EXOSC9: variants seen among roughly 807,000 people sequenced by gnomAD.
The protein encoded by EXOSC9 is exosome complex component RRP45.
EXOSC9 carries 38 observed loss-of-function variants against 56.5 expected under a neutral mutation model. The observed-to-expected ratio is 0.67, with a 90% CI of 0.52 to 0.88. EXOSC9 has a LOEUF of 0.88. EXOSC9 is among the 40% of genes least tolerant of loss of function. The pLI, the probability that EXOSC9 is intolerant of heterozygous loss-of-function variation, is 0.00. For synonymous variants in EXOSC9, 170 were observed against 170.8 expected (o/e 0.99, Z 0.04); for missense variants, 559 against 530.5 (o/e 1.05, Z -0.53).
chr4:121,801,842 C>T lies in EXOSC9; in HGVS notation c.82C>T (p.Gln28Ter), dbSNP rs776837359. 1 of 1,613,320 alleles carries T rather than the reference C, an allele frequency of 6.2e-7. No homozygotes were observed. The highest frequency in any genetic ancestry group is 1.1e-5 in the South Asian group (1 of 91,062). The change falls in exon 2 of 12, where the codon CAA (glutamine) becomes TAA (stop). Residue 28 changes from glutamine to a stop codon, truncating the protein, a stop_gained. Coordinates refer to ENST00000243498, the MANE Select transcript of EXOSC9 (RefSeq NM_005033.3). LOFTEE classifies it high-confidence loss of function. ...GTGCTTACAGCGGCTGGATGGCAGA[C>T]AAACCTATGATTATAGGAACATCAG... ...IEEKKRLDGRQTYDYRNIRIS... is the reference protein window; with the variant it reads ...IEEKKRLDGR
chr4:121,813,351 C>A lies in EXOSC9; in HGVS notation c.945C>A (p.Ile315=). 6.2e-7 allele frequency: 1 copy of A among 1,613,446 alleles called. No individual in the cohort carries two copies. The highest frequency in any genetic ancestry group is 8.5e-7 in the Non-Finnish European group (1 of 1,179,734). ...ATGTAGAAGAAAAAGCAGAAGAAATCATTGCTGAAGCAGAACCTCCTTCAG... is the reference window on the plus strand; with the variant it reads ...ATGTAGAAGAAAAAGCAGAAGAAATAATTGCTGAAGCAGAACCTCCTTCAG... The part of the protein sequence containing the change: ...TSDVEEKAEE[I]IAEAEPPSEV... Residue 315 remains isoleucine (I), a synonymous_variant, in exon 9 of 12, where the codon ATC becomes ATA. Coordinates refer to ENST00000243498, the MANE Select transcript of EXOSC9 (RefSeq NM_005033.3).
At chr4:121,801,984 C>T in intron 2 of EXOSC9, 63 bp downstream of exon 2, 2 of 1,153,566 alleles carry the variant, frequency 1.7e-6, no homozygotes, top group Non-Finnish European at 2.6e-6. Context: ...ACCTTATTGA[C>T]TTGGTTGTTT....
intron 5 of EXOSC9, among the ~76,000 whole-genome samples, chr4:121,805,226 A>G (rs1726984332): frequency 6.6e-6 from 1 of 152,230 alleles, no homozygotes; most frequent in Non-Finnish European, 1.5e-5. Context: ...AGGGCTTGTT[A>G]AAACGTATAG....
At position 121,816,452 on chromosome 4, in the gene EXOSC9, C is replaced by G. The variant is rs1327782621; in HGVS notation, c.1235+5C>G. Reference sequence around the variant, plus strand: ...CAAGAATCCAAAGAAAATAAGGTAACAAATTTCTGGTTTATTTCAAATGTA... The same window carrying G: ...CAAGAATCCAAAGAAAATAAGGTAAGAAATTTCTGGTTTATTTCAAATGTA... On this transcript the variant is annotated splice_donor_5th_base_variant and intron_variant, in intron 11 of 11. Coordinates refer to ENST00000243498, the MANE Select transcript of EXOSC9 (RefSeq NM_005033.3). 6.5e-7 allele frequency: 1 copy of G among 1,539,364 alleles called. No homozygotes were observed. The highest frequency in any genetic ancestry group is 1.4e-5 in the African/African-American group (1 of 70,774).
intron 5 of EXOSC9, among the ~76,000 whole-genome samples, chr4:121,806,959 T>C (rs1311095544): frequency 6.6e-6 from 1 of 152,182 alleles, no homozygotes; most frequent in Non-Finnish European, 1.5e-5. Context: ...AATGTATCCA[T>C]AACTATACAT....
intron 5 of EXOSC9, among the ~76,000 whole-genome samples, chr4:121,805,866 C>T (rs377756215): frequency 2.2e-4 from 32 of 147,826 alleles, no homozygotes; most frequent in African/African-American, 6.6e-4. Context: ...GGTGCAGTGG[C>T]GTGATCTCGG....
Position 121,804,616 on chromosome 4 carries a change from T to C in EXOSC9, c.385-6T>C, listed in dbSNP as rs368109235. On this transcript the variant is annotated splice_region_variant and splice_polypyrimidine_tract_variant and intron_variant, in intron 4 of 11. Coordinates refer to ENST00000243498, the MANE Select transcript of EXOSC9 (RefSeq NM_005033.3). ...GGATTTATTTTTATTTTAAATTCAC[T>C]ATCAGGTTTGGCAAATACGTGTAGA... The C allele has an allele frequency of 1.0e-4, 156 of 1,541,582 alleles. No individual in the cohort carries two copies. Among genetic ancestry groups the C allele is most frequent in the Non-Finnish European group, 1.3e-4 (147 of 1,122,920 alleles).
In EXOSC9 at chr4:121,814,365, T is replaced by G. The variant is rs370138363; in HGVS notation, c.1156+318T>G. 8 of 164,846 alleles carry G rather than the reference T, an allele frequency of 4.9e-5. No individual in the cohort carries two copies. The East Asian group carries it at 9.9e-4, about 20-fold the overall frequency. 10.2% of individuals were successfully genotyped at this position (164,846 alleles called of 1,614,324 possible). A position where few individuals can be genotyped will look rare whatever the true frequency, so the allele number is the denominator to read the frequency against. On this transcript the variant is annotated intron_variant, in intron 10 of 11. Coordinates refer to ENST00000243498, the MANE Select transcript of EXOSC9 (RefSeq NM_005033.3). The stretch of plus-strand genomic sequence containing the variant: ...GCTACTTTCTAAAAGAATATGCATA[T>G]CTTTGTAGAGTAGTGGAACACTGGC...
intron 6 of EXOSC9, 34 bp from the exon 7 acceptor site, chr4:121,809,933 A>G (rs1265807584): frequency 6.2e-7 from 1 of 1,612,440 alleles, no homozygotes; most frequent in African/African-American, 1.3e-5. Context: ...ATTCGGTCTC[A>G]GATTTGTTCA....
At position 121,813,244 on chromosome 4, in the gene EXOSC9, G is replaced by A; in HGVS notation, c.838G>A (p.Gly280Arg). 6.2e-7 allele frequency: 1 copy of A among 1,607,768 alleles called. No individual in the cohort carries two copies. The highest frequency in any genetic ancestry group is 8.5e-7 in the Non-Finnish European group (1 of 1,176,418). Residue 280 changes from glycine to arginine, a missense_variant, in exon 9 of 12, where the codon GGA becomes AGA. Transcript: ENST00000243498. ...ENDQKVRKEG[G>R]KFGFAESIAN... ...AACCCCCACATACAGGAAAGAAGGT[G>A]GAAAGTTTGGTTTTGCAGAGTCTAT... is the stretch of plus-strand genomic sequence containing the variant.
chr4:121,814,074 C>CTA, intron 10 of EXOSC9, 27 bp downstream of exon 10: 1 of 512,674 alleles, frequency 2.0e-6, no homozygotes, highest in Non-Finnish European at 2.9e-6. Context: ...GGCACACTTA[C>CTA]TATATATTAC....
intron 6 of EXOSC9, among the ~76,000 whole-genome samples, chr4:121,808,104 T>C (rs1320610729): frequency 6.6e-6 from 1 of 152,218 alleles, no homozygotes; most frequent in Non-Finnish European, 1.5e-5. Flanking sequence ...GCGTTTTCAT[T>C]ACTTAACTGC....
At chr4:121,801,947 A>T in intron 2 of EXOSC9, 26 bp downstream of exon 2, 1 of 1,519,178 alleles carries the variant, frequency 6.6e-7, no homozygotes, top group East Asian at 2.2e-5. Flanking sequence ...TGAGATACAC[A>T]TTCGGAAGGG....
Position 121,813,978 on chromosome 4 carries a change from G to A in EXOSC9, c.1087G>A (p.Asp363Asn), listed in dbSNP as rs2149039210. Residue 363 changes from aspartate (D) to asparagine (N), a missense_variant, in exon 10 of 12, where the codon GAT (aspartate) becomes AAT (asparagine). By Grantham distance (23) the Asp-to-Asn change is conservative. Transcript: ENST00000243498. ...GAAGGAAGATGATGAAGGCGGTGGT[G>A]ATCAAGCTATCATTCTTGATGGTAT... Reference protein sequence around the residue: ...SEKEDDEGGGDQAIILDGIKM... With the variant: ...SEKEDDEGGGNQAIILDGIKM... The A allele has an allele frequency of 2.5e-6, 4 of 1,613,550 alleles. No homozygotes were observed. Among genetic ancestry groups the A allele is most frequent in the South Asian group, 1.1e-5 (1 of 91,058 alleles).
intron 4 of EXOSC9, chr4:121,804,374 T>G: frequency 7.1e-6 from 2 of 282,136 alleles, no homozygotes; most frequent in East Asian, 6.4e-5. Context: ...GTTAGGAAAA[T>G]CGTAGTATTA....
chr4:121,816,372 C>A lies in EXOSC9; in HGVS notation c.1160C>A (p.Ala387Asp). 7 of 1,462,808 alleles carry A rather than the reference C, an allele frequency of 4.8e-6. No homozygotes were observed. Among genetic ancestry groups the A allele is most frequent in the East Asian group, 2.4e-5 (1 of 41,606 alleles). 90.6% of individuals were successfully genotyped at this position (1,462,808 alleles called of 1,614,324 possible). ...VEVSDIGSQD[A>D]PIILSDSEEE... ...TTAAATTAATAAAAAAACAAAGATGCTCCCATAATACTCTCAGATAGTGAA... is the reference window on the plus strand; with the variant it reads ...TTAAATTAATAAAAAAACAAAGATGATCCCATAATACTCTCAGATAGTGAA... The change falls in exon 11 of 12, where the codon GCT becomes GAT. Residue 387 changes from alanine to aspartate, a missense_variant. Physicochemically the swap from Ala to Asp is moderately radical, Grantham distance 126 (BLOSUM62 -2). Transcript: ENST00000243498.
intron 6 of EXOSC9, chr4:121,807,916 G>A: frequency 2.7e-6 from 1 of 371,300 alleles, no homozygotes. Flanking sequence ...AGGCTGTACA[G>A]TGGTTAAGAG....
intron 8 of EXOSC9, 22 bp from the exon 9 acceptor site, chr4:121,813,212 C>T (rs1379584690): frequency 6.3e-7 from 1 of 1,587,268 alleles, no homozygotes; most frequent in Admixed American, 1.8e-5. Flanking sequence ...TTCCTTCCCA[C>T]CAAAAAAACC....
chr4:121,816,765 T>G lies in EXOSC9; in HGVS notation c.1236-7T>G. ...CTTAGTAAATTCTTACTTTGCTTTA[T>G]TCACAGAACACAGACCACCAGTGCA... On this transcript the variant is annotated splice_polypyrimidine_tract_variant and splice_region_variant and intron_variant, in intron 11 of 11. Transcript: ENST00000243498. 1.3e-6 allele frequency: 2 copies of G among 1,574,818 alleles called. No individual in the cohort carries two copies. Among genetic ancestry groups the G allele is most frequent in the Non-Finnish European group, 1.7e-6 (2 of 1,166,152 alleles).
Sources: gnomAD v4.1 joint callset for allele counts (sites outside exome capture counted in the v4.1 genomes callset) on GRCh38, gnomAD v4.1.1 for gene constraint, MANE v1.5 for transcripts, NCBI Gene and HGNC (gene_info 2026-07-23, HGNC 2026-07-21) for gene names.